The following NCOA1 variants were observed in gnomAD, a reference collection of about 807,000 sequenced individuals.
NCOA1 encodes the protein Hin-2 protein.
A neutral mutation model predicts 150.9 loss-of-function variants in NCOA1; 35 were observed. That is an observed-to-expected ratio of 0.23 (90% CI 0.18 to 0.31). NCOA1 has a LOEUF of 0.31. NCOA1 is among the 10% of genes least tolerant of loss of function. The pLI, the probability that NCOA1 is intolerant of heterozygous loss-of-function variation, is 1.00. For missense variants in NCOA1, 1,491 were observed against 1,749.3 expected, an observed-to-expected ratio of 0.85 and a Z score of 2.63; for synonymous variants, 590 against 630.0, an observed-to-expected ratio of 0.94 and a Z score of 0.95.
chr2:24,608,704 G>GTTTTTTTTTTTTTTTTTTTT (rs56710627), intron 3 of NCOA1, among the ~76,000 whole-genome samples: 6 of 117,332 alleles, frequency 5.1e-5, no homozygotes, highest in Admixed American at 8.7e-5. Context: ...TTGTTGTTGT[G>GTTTTTTTTTTTTTTTTTTTT]TTTTTTTTTT....
Position 24,530,821 on chromosome 2 carries a change from A to G in NCOA1, c.-395-33474A>G, listed in dbSNP as rs1322615723. 2.6e-5 allele frequency among the ~76,000 whole-genome samples: 4 copies of G among 152,164 alleles called. No individual in the cohort carries two copies. The East Asian group carries it at 5.8e-4, about 22-fold the overall frequency. ...TGAGGAGATGAAAATATATTTATGA[A>G]TATTTAGAATTGAAGATACCTTTTA... On this transcript the variant is annotated intron_variant, in intron 1 of 22. Coordinates refer to ENST00000348332, the MANE Select transcript of NCOA1 (RefSeq NM_003743.5).
chr2:24,712,638 G>A (rs1270931653), intron 14 of NCOA1, among the ~76,000 whole-genome samples: 2 of 151,122 alleles, frequency 1.3e-5, no homozygotes, highest in East Asian at 3.9e-4. Context: ...AGTATGCAGT[G>A]GAAATATATA....
rs149401577 is a variant in NCOA1 at position 24,536,405 on chromosome 2, T to G, written c.-395-27890T>G. Among the ~76,000 whole-genome samples the G allele has an allele frequency of 3.3e-5, 5 of 152,322 alleles. No homozygotes were observed. The East Asian group carries it at 9.6e-4, about 29-fold the overall frequency. Reference sequence around the variant, plus strand: ...TTGCAATGGGTTAGAACATGCTCCTTTAGCTCGGAGAAGTTTGTTATTACT... The same window carrying G: ...TTGCAATGGGTTAGAACATGCTCCTGTAGCTCGGAGAAGTTTGTTATTACT... On this transcript the variant is annotated intron_variant, in intron 1 of 22. Coordinates refer to ENST00000348332, the MANE Select transcript of NCOA1 (RefSeq NM_003743.5).
rs1673531829 is a variant in NCOA1 at position 24,707,823 on chromosome 2, A to G, written c.2353A>G (p.Asn785Asp). The change falls in exon 13 of 23, where the codon AAT (asparagine) becomes GAT (aspartate). Residue 785 changes from asparagine to aspartate, a missense_variant. Asn to Asp is a conservative substitution (Grantham distance 23). Transcript: ENST00000348332. ...AAAGAAAGAACAGATGGATCCATGT[A>G]ATACAAACCCAACCCCAATGACCAA... ...VEKKEQMDPC[N>D]TNPTPMTKPT... 1 of 1,613,806 alleles carries G rather than the reference A, an allele frequency of 6.2e-7. No individual in the cohort carries two copies. Among genetic ancestry groups the G allele is most frequent in the Admixed American group, 1.7e-5 (1 of 59,956 alleles).
chr2:24,494,423 A>T (rs1009811072), intron 1 of NCOA1, among the ~76,000 whole-genome samples: 1 of 152,084 alleles, frequency 6.6e-6, no homozygotes, highest in Non-Finnish European at 1.5e-5. Flanking sequence ...TGCATATCTT[A>T]TGGAGTTGGC....
chr2:24,693,055 G>A (rs1672741865), intron 9 of NCOA1, among the ~76,000 whole-genome samples, 197 bp from the exon 10 acceptor site: 1 of 152,110 alleles, frequency 6.6e-6, no homozygotes, highest in African/African-American at 2.4e-5. Context: ...GTAGATACAG[G>A]GTTTCACCGT....
Position 24,728,311 on chromosome 2 carries a change from G to C in NCOA1, c.2721G>C (p.Gln907His). 1 of 1,606,316 alleles carries C rather than the reference G, an allele frequency of 6.2e-7. No homozygotes were observed. The highest frequency in any genetic ancestry group is 8.5e-7 in the Non-Finnish European group (1 of 1,177,320). ...TTCTTGTTTTTTAATCCTGCAGCCAGTGTATTAGCTCACAATTAGATGAGC... is the reference window on the plus strand; with the variant it reads ...TTCTTGTTTTTTAATCCTGCAGCCACTGTATTAGCTCACAATTAGATGAGC... The part of the protein sequence containing the change: ...TAINQSKSED[Q>H]CISSQLDELL... Residue 907 changes from glutamine (Q) to histidine (H), a missense_variant, in exon 16 of 23, where the codon CAG (glutamine) becomes CAC (histidine). Transcript: ENST00000348332.
intron 3 of NCOA1, among the ~76,000 whole-genome samples, chr2:24,586,585 C>A (rs1224981049): frequency 6.6e-6 from 1 of 152,096 alleles, no homozygotes; most frequent in African/African-American, 2.4e-5. Flanking sequence ...AGCTCTTCCA[C>A]CTCAGCCCCA....
At chr2:24,495,538 C>G (rs1397906435) in intron 1 of NCOA1, among the ~76,000 whole-genome samples, 1 of 152,080 alleles carries the variant, frequency 6.6e-6, no homozygotes, top group Non-Finnish European at 1.5e-5. Flanking sequence ...CTGAGTAGCC[C>G]TGACCTGACC....
chr2:24,628,942 A>G (rs1669552306), intron 3 of NCOA1, among the ~76,000 whole-genome samples: 1 of 152,132 alleles, frequency 6.6e-6, no homozygotes. Context: ...TGTAAGCAGG[A>G]TTAGAATAGT....
At chr2:24,525,461 G>C (rs1212962955) in intron 1 of NCOA1, among the ~76,000 whole-genome samples, 1 of 151,984 alleles carries the variant, frequency 6.6e-6, no homozygotes, top group African/African-American at 2.4e-5. Flanking sequence ...AAGGAAACTG[G>C]TTATTTATTT....
chr2:24,545,317 G>A (rs780602671), intron 1 of NCOA1, among the ~76,000 whole-genome samples: 3 of 152,294 alleles, frequency 2.0e-5, no homozygotes, highest in Non-Finnish European at 2.9e-5. Flanking sequence ...AGGGATACAG[G>A]AGCCAACTGA....
chr2:24,620,816 A>C (rs1340444115), intron 3 of NCOA1, among the ~76,000 whole-genome samples: 2 of 152,202 alleles, frequency 1.3e-5, no homozygotes, highest in Admixed American at 6.5e-5. Context: ...ATTGAATGGA[A>C]TATTGTAGCT....
chr2:24,630,709 T>C (rs1047036829), intron 3 of NCOA1, among the ~76,000 whole-genome samples: 2 of 152,182 alleles, frequency 1.3e-5, no homozygotes, highest in African/African-American at 4.8e-5. Flanking sequence ...ACCTAAAAAA[T>C]TATGTGAAGA....
chr2:24,655,393 A>T (rs1180088833), intron 4 of NCOA1, among the ~76,000 whole-genome samples: 1 of 152,210 alleles, frequency 6.6e-6, no homozygotes, highest in Non-Finnish European at 1.5e-5. Context: ...TTATATGTAG[A>T]TCATATAGTA....
intron 19 of NCOA1, among the ~76,000 whole-genome samples, chr2:24,746,325 C>T (rs1027369239): frequency 6.6e-6 from 1 of 152,088 alleles, no homozygotes; most frequent in African/African-American, 2.4e-5. Flanking sequence ...GGTGGATTAC[C>T]TGAGGTCAGG....
intron 1 of NCOA1, among the ~76,000 whole-genome samples, chr2:24,504,246 G>A (rs144809724): frequency 6.6e-6 from 1 of 152,320 alleles, no homozygotes; most frequent in East Asian, 1.9e-4. Context: ...GTTGCTTATG[G>A]CATAGTCCCA....
intron 15 of NCOA1, among the ~76,000 whole-genome samples, chr2:24,727,870 G>A (rs1014112442): frequency 3.3e-5 from 5 of 152,126 alleles, no homozygotes; most frequent in African/African-American, 1.2e-4. Context: ...AATATAATAT[G>A]TACTGTTTTG....
Position 24,491,436 on chromosome 2 carries a change from G to A in NCOA1, c.-562G>A, listed in dbSNP as rs919263741. On this transcript the variant is annotated 5_prime_UTR_variant, in exon 1 of 23. Transcript: ENST00000348332. ...TGCTGCTCCCTCGAGCGGAGCCTGCGTCAGGTTCCCTCTGCATCCCCCTGC... is the reference window on the plus strand; with the variant it reads ...TGCTGCTCCCTCGAGCGGAGCCTGCATCAGGTTCCCTCTGCATCCCCCTGC... 3.5e-5 allele frequency among the ~76,000 whole-genome samples: 4 copies of A among 113,656 alleles called. No individual in the cohort carries two copies. The highest frequency in any genetic ancestry group is 5.2e-5 in the Non-Finnish European group (3 of 58,166). 74.6% of individuals were successfully genotyped at this position (113,656 alleles called of 152,430 possible).
Sources: gnomAD v4.1 joint callset for allele counts (sites outside exome capture counted in the v4.1 genomes callset) on GRCh38, gnomAD v4.1.1 for gene constraint, MANE v1.5 for transcripts, NCBI Gene and HGNC (gene_info 2026-07-23, HGNC 2026-07-21) for gene names.